Variants in MRE11 observed in about 807,000 individuals in gnomAD.
MRE11 encodes MRE11 double strand break repair nuclease.
MRE11 carries 62 observed loss-of-function variants against 91.7 expected under a neutral mutation model. The observed-to-expected ratio is 0.68, with a 90% CI of 0.55 to 0.84. The LOEUF (loss-of-function observed/expected upper bound fraction) is 0.84, where lower values mean the gene tolerates loss of function less well. Among genes scored for constraint, MRE11 ranks in the 40% least tolerant of loss-of-function variants. The probability of loss-of-function intolerance (pLI) is 0.00; values close to 1 mark genes in which losing one functional copy is unlikely to be tolerated. For missense variants in MRE11, 796 were observed against 852.9 expected, an observed-to-expected ratio of 0.93 and a Z score of 0.83; for synonymous variants, 273 against 271.4, an observed-to-expected ratio of 1.01 and a Z score of -0.06.
intron 14 of MRE11, among the ~76,000 whole-genome samples, chr11:94,453,671 T>A (rs981108977): frequency 3.9e-5 from 6 of 152,236 alleles, no homozygotes; most frequent in African/African-American, 1.4e-4. Context: ...TTTTTTGTTA[T>A]TGTTACTGTT....
At chr11:94,435,939 TAG>T in intron 17 of MRE11, 40 bp from the exon 18 acceptor site, 1 of 1,506,938 alleles carries the variant, frequency 6.6e-7, no homozygotes, top group Non-Finnish European at 9.2e-7. Flanking sequence ...TTTGTGAGAA[TAG>T]ACTCTGAATA....
At chr11:94,438,463 GTTAC>G (rs1446053604) in intron 16 of MRE11, among the ~76,000 whole-genome samples, 1 of 152,140 alleles carries the variant, frequency 6.6e-6, no homozygotes, top group African/African-American at 2.4e-5. Flanking sequence ...GCTTTACTCA[GTTAC>G]TTTTTTCACA....
At chr11:94,482,134 G>A (rs1565236178) in intron 4 of MRE11, among the ~76,000 whole-genome samples, 1 of 152,146 alleles carries the variant, frequency 6.6e-6, no homozygotes. Context: ...AACATGTTAA[G>A]AACAATGAGA....
intron 19 of MRE11, among the ~76,000 whole-genome samples, chr11:94,428,032 A>G (rs1236976637): frequency 6.6e-6 from 1 of 152,238 alleles, no homozygotes; most frequent in African/African-American, 2.4e-5. Context: ...AGAAATTAGA[A>G]GAAAACTATT....
At chr11:94,487,270 T>C (rs754494367) in intron 3 of MRE11, among the ~76,000 whole-genome samples, 3 of 152,212 alleles carry the variant, frequency 2.0e-5, no homozygotes, top group African/African-American at 7.2e-5. Flanking sequence ...GTATTTAATA[T>C]ATTTTGCCAT....
rs530943978 is a variant in MRE11, at chr11:94,455,149, C to T, written c.1563+1127G>A. Among the ~76,000 whole-genome samples the T allele has an allele frequency of 5.9e-5, 9 of 152,168 alleles. No individual in the cohort carries two copies. In the East Asian group the frequency reaches 1.7e-3, roughly 29 times the overall value. On this transcript the variant is annotated intron_variant, in intron 14 of 19. Coordinates refer to ENST00000323929, the MANE Select transcript of MRE11 (RefSeq NM_005591.4). ...TGCACCGAATTAATATTATAATAAT[C>T]TAAAATTTTGATAGGACACAGGATG...
At chr11:94,423,480 C>T (rs989660344) in intron 19 of MRE11, among the ~76,000 whole-genome samples, 1 of 152,204 alleles carries the variant, frequency 6.6e-6, no homozygotes, top group Admixed American at 6.5e-5. Flanking sequence ...GCGCCCATCC[C>T]CTAAGACTTC....
rs1286904781 is a variant in MRE11, at chr11:94,419,281, T to C, written c.*844A>G. The stretch of plus-strand genomic sequence containing the variant: ...CCTGGCATTGACATTCCACATTAAA[T>C]ATATTTCTATACTTTACTGTAAGGT... On this transcript the variant is annotated 3_prime_UTR_variant, in exon 20 of 20. Coordinates refer to ENST00000323929, the MANE Select transcript of MRE11 (RefSeq NM_005591.4). The C allele has an allele frequency of 8.6e-6, 2 of 232,888 alleles. No homozygotes were observed. The highest frequency in any genetic ancestry group is 8.5e-6 in the Non-Finnish European group (1 of 117,932). 14.4% of individuals were successfully genotyped at this position (232,888 alleles called of 1,614,324 possible).
At chr11:94,453,059 A>G (rs759238287) in intron 14 of MRE11, among the ~76,000 whole-genome samples, 3 of 152,140 alleles carry the variant, frequency 2.0e-5, no homozygotes, top group Admixed American at 6.5e-5. Flanking sequence ...TAGGTACCTC[A>G]TATAAGTAGA....
chr11:94,509,337 T>C, the MRE11 span, among the ~76,000 whole-genome samples: 5 of 152,186 alleles, frequency 3.3e-5, no homozygotes, highest in Non-Finnish European at 4.4e-5. Flanking sequence ...CATTTTTAAT[T>C]TTTTTTACTA....
At chr11:94,450,218 G>A (rs946519996) in intron 14 of MRE11, among the ~76,000 whole-genome samples, 2 of 152,124 alleles carry the variant, frequency 1.3e-5, no homozygotes, top group African/African-American at 2.4e-5. Context: ...TGACAAAAAC[G>A]TTATCAGTGG....
Position 94,476,434 on chromosome 11 carries a change from G to T in MRE11, c.545-31C>A, listed in dbSNP as rs1425703456. ...ATGGACATTACATTATTTTTAAATTGTTTTCTTACTTCGGCTTAAAAAATG... is the reference window on the plus strand; with the variant it reads ...ATGGACATTACATTATTTTTAAATTTTTTTCTTACTTCGGCTTAAAAAATG... On this transcript the variant is annotated intron_variant, in intron 6 of 19. Coordinates refer to ENST00000323929, the MANE Select transcript of MRE11 (RefSeq NM_005591.4). The T allele has an allele frequency of 1.9e-5, 27 of 1,431,556 alleles. No homozygotes were observed. In the Admixed American group the frequency reaches 4.4e-4, roughly 23 times the overall value. The allele number at this position is 1,431,556 out of a possible 1,614,324, so 88.7% of individuals were successfully genotyped here. A position where few individuals can be genotyped will look rare whatever the true frequency, so the allele number is the denominator to read the frequency against.
At chr11:94,497,353 AT>A (rs1269306505), upstream of MRE11, 1 of 306,282 alleles carries the variant, frequency 3.3e-6, no homozygotes, top group African/African-American at 2.2e-5. Flanking sequence ...ATTCAGGAAT[AT>A]TAATTTGCCC....
intron 11 of MRE11, among the ~76,000 whole-genome samples, chr11:94,461,453 T>C (rs987222282): frequency 1.3e-5 from 2 of 152,152 alleles, no homozygotes; most frequent in African/African-American, 4.8e-5. Context: ...GGTAGTTCGG[T>C]ATTGATGGAA....
chr11:94,444,097 C>G (rs940181871), intron 16 of MRE11, among the ~76,000 whole-genome samples: 1 of 151,872 alleles, frequency 6.6e-6, no homozygotes, highest in Admixed American at 6.6e-5. Flanking sequence ...CAGTAGGGGA[C>G]AGGGTTTCAC....
At chr11:94,508,246 C>A in the MRE11 span, among the ~76,000 whole-genome samples, 2 of 152,168 alleles carry the variant, frequency 1.3e-5, no homozygotes, top group Non-Finnish European at 2.9e-5. Context: ...AGCATCTGGC[C>A]TGAGAATATC....
chr11:94,421,510 T>C (rs1340975489), intron 19 of MRE11, among the ~76,000 whole-genome samples: 1 of 152,234 alleles, frequency 6.6e-6, no homozygotes, highest in Non-Finnish European at 1.5e-5. Flanking sequence ...TGAACTAGTA[T>C]ACAAATTTTT....
chr11:94,471,494 C>T (rs1591694510), intron 8 of MRE11, 80 bp downstream of exon 8: 1 of 1,385,080 alleles, frequency 7.2e-7, no homozygotes, highest in East Asian at 2.3e-5. Context: ...GTAACCTTAA[C>T]ATAGGCCTTA....
intron 17 of MRE11, 50 bp from the exon 18 acceptor site, chr11:94,435,949 A>G (rs1409309922): frequency 6.8e-7 from 1 of 1,462,366 alleles, no homozygotes; most frequent in East Asian, 2.3e-5. Context: ...TAGACTCTGA[A>G]TAAAAATGAA....
Sources: allele counts gnomAD v4.1 joint callset (sites outside exome capture counted in the v4.1 genomes callset), GRCh38; gene constraint gnomAD v4.1.1; transcripts MANE v1.5; gene names NCBI Gene and HGNC (gene_info 2026-07-23, HGNC 2026-07-21).